FANCD2: variants seen among roughly 807,000 people sequenced by gnomAD.
The protein encoded by FANCD2 is FA complementation group D2.
In FANCD2, 131 loss-of-function variants were observed where a neutral mutation model predicts 192.3. The observed-to-expected ratio is 0.68, with a 90% CI of 0.59 to 0.79. The LOEUF (loss-of-function observed/expected upper bound fraction) is 0.79. FANCD2 is among the 30% of genes least tolerant of loss of function. FANCD2 has a pLI of 0.00. For missense variants in FANCD2, 1,508 were observed against 1,701.6 expected (o/e 0.89, Z 2.00); for synonymous variants, 524 against 612.5 (o/e 0.86, Z 2.13).
chr3:10,056,395 A>G (rs536363733), intron 18 of FANCD2, among the ~76,000 whole-genome samples: 3 of 152,300 alleles, frequency 2.0e-5, no homozygotes, highest in African/African-American at 4.8e-5. Flanking sequence ...AGGAACCACC[A>G]AACTGCTTTC....
Position 10,034,704 on chromosome 3 carries a change from G to T in FANCD2, c.283G>T (p.Glu95Ter), listed in dbSNP as rs1004943548. The stretch of plus-strand genomic sequence containing the variant: ...TTTAAATCTCCTTAAGATAATAGAA[G>T]AATTTGTTAGTGGCCTGGAGTCTTA... ...RHPSYPKIIE[E>*]FVSGLESYIE... Residue 95 changes from glutamate to a stop codon, truncating the protein, a stop_gained, in exon 5 of 44, where the codon GAA (glutamate) becomes TAA (stop). Coordinates refer to ENST00000675286, the MANE Select transcript of FANCD2 (RefSeq NM_001018115.3). LOFTEE classifies it high-confidence loss of function. The T allele has an allele frequency of 1.3e-6, 2 of 1,562,152 alleles. No individual in the cohort carries two copies. The highest frequency in any genetic ancestry group is 1.7e-6 in the Non-Finnish European group (2 of 1,151,688).
Position 10,098,693 on chromosome 3 carries a change from C to T in FANCD2, c.4186-27C>T, listed in dbSNP as rs752284159. On this transcript the variant is annotated intron_variant, in intron 42 of 43. Transcript: ENST00000675286. ...CCCTAAATGTGATCATTATAACCCA[C>T]CATTTTCTTGGTCCATTCACATTTA... 5 of 1,613,336 alleles carry T rather than the reference C, an allele frequency of 3.1e-6. No homozygotes were observed. In the African/African-American group the frequency reaches 6.7e-5, roughly 22 times the overall value.
intron 30 of FANCD2, 39 bp from the exon 31 acceptor site, chr3:10,081,061 C>G: frequency 6.2e-7 from 1 of 1,613,118 alleles, no homozygotes; most frequent in East Asian, 2.2e-5. Context: ...GAGACGCTAT[C>G]CAGCAGTTTC....
chr3:10,098,451 G>C (rs540496089), intron 42 of FANCD2, among the ~76,000 whole-genome samples: 3 of 152,196 alleles, frequency 2.0e-5, no homozygotes, highest in African/African-American at 7.2e-5. Flanking sequence ...CACCAATACA[G>C]TCTAGCCTTT....
At chr3:10,056,649 A>G (rs1276247245) in intron 18 of FANCD2, among the ~76,000 whole-genome samples, 1 of 152,068 alleles carries the variant, frequency 6.6e-6, no homozygotes, top group Non-Finnish European at 1.5e-5. Flanking sequence ...TTCCCACCTC[A>G]GCCTCCTGAG....
rs532765216 is a variant in FANCD2 at position 10,036,086 on chromosome 3, C to CTTTTTTTTTTTTTTTTTTTT, written c.439-182_439-181insTTTTTTTTTTTTTTTTTTTT. 2.0e-3 allele frequency among the ~76,000 whole-genome samples: 204 copies of CTTTTTTTTTTTTTTTTTTTT among 102,560 alleles called. 19 individuals are homozygous for CTTTTTTTTTTTTTTTTTTTT. The highest frequency in any genetic ancestry group is 6.2e-3 in the African/African-American group (149 of 23,978). The allele number at this position is 102,560 out of a possible 152,430, so 67.3% of individuals were successfully genotyped here. A position where few individuals can be genotyped will look rare whatever the true frequency, so the allele number is the denominator to read the frequency against. On this transcript the variant is annotated intron_variant, in intron 6 of 43. Coordinates refer to ENST00000675286, the MANE Select transcript of FANCD2 (RefSeq NM_001018115.3). ...TAGTTGGAAAGAGAATTATACATTT[C>CTTTTTTTTTTTTTTTTTTTT]TTTTTTTTTTTTTTTTTTTGAGTCA...
chr3:10,082,140 C>T (rs1693879387), intron 32 of FANCD2, among the ~76,000 whole-genome samples: 1 of 152,230 alleles, frequency 6.6e-6, no homozygotes, highest in Non-Finnish European at 1.5e-5. Context: ...CCCTAGCATG[C>T]TCCTTCAGCT....
chr3:10,087,052 T>A (rs2125072109), intron 33 of FANCD2, 82 bp from the exon 34 acceptor site: 1 of 1,490,240 alleles, frequency 6.7e-7, no homozygotes, highest in Non-Finnish European at 9.3e-7. Context: ...TGAAAGGGAC[T>A]TGGGCACGTC....
Position 10,032,470 on chromosome 3 carries a change from G to C in FANCD2, c.65-362G>C, listed in dbSNP as rs1283078539. The stretch of plus-strand genomic sequence containing the variant: ...TAGTTTGTGTGTGGAGGGGGGGAAT[G>C]GGGGTGAAGGGGGGGAGATGGGGGG... On this transcript the variant is annotated intron_variant, in intron 2 of 43. Transcript: ENST00000675286. The C allele has an allele frequency of 2.4e-4, 70 of 291,870 alleles. 2 individuals are homozygous for C. The highest frequency in any genetic ancestry group is 1.8e-3 in the South Asian group (58 of 32,830). 18.1% of individuals were successfully genotyped at this position (291,870 alleles called of 1,614,324 possible).
chr3:10,037,383 T>C (rs1469832212), intron 7 of FANCD2, among the ~76,000 whole-genome samples: 1 of 152,188 alleles, frequency 6.6e-6, no homozygotes, highest in African/African-American at 2.4e-5. Context: ...ATAGGCATGC[T>C]TGTACGTTGC....
intron 27 of FANCD2, 119 bp downstream of exon 27, chr3:10,073,100 T>G: frequency 1.2e-6 from 1 of 848,560 alleles, no homozygotes; most frequent in Non-Finnish European, 2.0e-6. Flanking sequence ...AACTCTTCCT[T>G]TATTAGATTT....
intron 19 of FANCD2, among the ~76,000 whole-genome samples, chr3:10,060,648 T>A (rs2087539737): frequency 6.6e-6 from 1 of 152,210 alleles, no homozygotes; most frequent in Non-Finnish European, 1.5e-5. Flanking sequence ...AGAGGTAAAA[T>A]TCTAGAAATC....
At chr3:10,095,677 A>G (rs1401922636) in intron 41 of FANCD2, among the ~76,000 whole-genome samples, 1 of 152,200 alleles carries the variant, frequency 6.6e-6, no homozygotes, top group African/African-American at 2.4e-5. Context: ...GAACTCATCT[A>G]TGTCTTATGA....
intron 38 of FANCD2, among the ~76,000 whole-genome samples, chr3:10,093,047 T>G (rs547136922): frequency 2.6e-5 from 4 of 152,186 alleles, no homozygotes; most frequent in Non-Finnish European, 5.9e-5. Context: ...AATAATGCCA[T>G]CTTCTCAACA....
intron 17 of FANCD2, 136 bp from the exon 18 acceptor site, chr3:10,052,251 G>C (rs1258453365): frequency 1.5e-6 from 1 of 677,840 alleles, no homozygotes; most frequent in East Asian, 2.7e-5. Context: ...CTTGAGCTTT[G>C]AGCTTTTAAG....
At chr3:10,063,533 T>C (rs1054908990) in intron 20 of FANCD2, among the ~76,000 whole-genome samples, 6 of 152,214 alleles carry the variant, frequency 3.9e-5, no homozygotes, top group African/African-American at 1.4e-4. Context: ...GAGGTATTCC[T>C]TAAGGGTTTC....
At chr3:10,052,922 T>C (rs1306650064) in intron 18 of FANCD2, among the ~76,000 whole-genome samples, 3 of 129,854 alleles carry the variant, frequency 2.3e-5, no homozygotes. Context: ...ACTTTTACAC[T>C]GTTGGTGGGA....
At chr3:10,092,391 TC>T in intron 38 of FANCD2, 139 bp downstream of exon 38, 1 of 761,196 alleles carries the variant, frequency 1.3e-6, no homozygotes, top group Non-Finnish European at 2.4e-6. Context: ...TCTTCCTTTG[TC>T]CCCCTACCCA....
At chr3:10,037,299 A>C (rs1306589383) in intron 7 of FANCD2, among the ~76,000 whole-genome samples, 1 of 152,204 alleles carries the variant, frequency 6.6e-6, no homozygotes, top group African/African-American at 2.4e-5. Context: ...CAAAATAGTA[A>C]ATAATAACTA....
Sources: allele counts gnomAD v4.1 joint callset (sites outside exome capture counted in the v4.1 genomes callset), GRCh38; gene constraint gnomAD v4.1.1; transcripts MANE v1.5; gene names NCBI Gene and HGNC (gene_info 2026-07-23, HGNC 2026-07-21).